Variants in ZNF91 observed in about 807,000 individuals in gnomAD.
The protein encoded by ZNF91 is zinc finger protein 91 (HPF7, HTF10).
A neutral mutation model predicts 12.6 loss-of-function variants in ZNF91; 7 were observed. The observed-to-expected ratio is 0.55, with a 90% CI of 0.31 to 1.04. The LOEUF is 1.04. Ranked by LOEUF, ZNF91 falls within the 50% of genes least tolerant of loss-of-function variation. The probability of loss-of-function intolerance (pLI) is 0.05; values close to 1 mark genes in which losing one functional copy is unlikely to be tolerated. For missense variants in ZNF91, 1,217 were observed against 1,385.4 expected, an observed-to-expected ratio of 0.88 and a Z score of 1.93; for synonymous variants, 453 against 462.6, an observed-to-expected ratio of 0.98 and a Z score of 0.27.
intron 3 of ZNF91, among the ~76,000 whole-genome samples, chr19:23,369,977 C>G (rs62122171): frequency 2.1e-5 from 3 of 144,222 alleles, no homozygotes; most frequent in African/African-American, 5.2e-5. Context: ...TCCCCCTCTC[C>G]GAGAAACACC....
At chr19:23,332,576 T>A (rs1172104853) in intron 1 of ZNF91, among the ~76,000 whole-genome samples, 2 of 152,172 alleles carry the variant, frequency 1.3e-5, no homozygotes, top group African/African-American at 2.4e-5. Context: ...ATCTCCTGTG[T>A]GCAGAGTTCT....
intron 1 of ZNF91, among the ~76,000 whole-genome samples, chr19:23,393,006 G>A (rs1277592130): frequency 1.3e-5 from 2 of 151,994 alleles, no homozygotes; most frequent in Non-Finnish European, 2.9e-5. Flanking sequence ...ATTATACTCT[G>A]CAAGTTCTTA....
intron 1 of ZNF91, among the ~76,000 whole-genome samples, chr19:23,384,096 A>G (rs1050306463): frequency 2.6e-5 from 4 of 152,172 alleles, no homozygotes; most frequent in Admixed American, 2.6e-4. Context: ...GCGACAAAGC[A>G]AAACTCCATC....
chr19:23,360,630 T>C lies in ZNF91; in HGVS notation c.2349A>G (p.Ser783=). The change falls in exon 4 of 4, where the codon TCA becomes TCG. Residue 783 remains serine (S), a synonymous_variant. Coordinates refer to ENST00000300619, the MANE Select transcript of ZNF91 (RefSeq NM_003430.4). ...GTATCCTCTTATGTCTAGTTAGGGT[T>C]GAAGACCATATAAATGCTTTGCCAC... ...KECGKAFIWS[S]TLTRHKRIHT... 2 of 1,613,968 alleles carry C rather than the reference T, an allele frequency of 1.2e-6. No homozygotes were observed. The highest frequency in any genetic ancestry group is 4.5e-5 in the East Asian group (2 of 44,822).
rs541941675 is a variant in ZNF91, at chr19:23,386,297, GA to G, written c.30+9027del. The stretch of plus-strand genomic sequence containing the variant: ...ATGACCAAAATATTTTTAACAGAAT[GA>G]AAAAAAAACTGTTGTAAAATTCATA... On this transcript the variant is annotated intron_variant, in intron 1 of 3. Coordinates refer to ENST00000300619, the MANE Select transcript of ZNF91 (RefSeq NM_003430.4). Among the ~76,000 whole-genome samples the G allele has an allele frequency of 1.3e-4, 20 of 149,904 alleles. No homozygotes were observed. In the South Asian group the frequency reaches 3.6e-3, roughly 27 times the overall value.
At chr19:23,356,524 G>C (rs1968490556), downstream of ZNF91, among the ~76,000 whole-genome samples, 1 of 152,144 alleles carries the variant, frequency 6.6e-6, no homozygotes, top group Admixed American at 6.5e-5. Flanking sequence ...TGATATGTGG[G>C]AGGTATGCTA....
At position 23,364,704 on chromosome 19, in the gene ZNF91, G is replaced by C. The variant is rs554946167; in HGVS notation, c.254-1979C>G. 2.6e-5 allele frequency among the ~76,000 whole-genome samples: 4 copies of C among 151,930 alleles called. No homozygotes were observed. In the East Asian group the frequency reaches 7.7e-4, roughly 29 times the overall value. On this transcript the variant is annotated intron_variant, in intron 3 of 3. Transcript: ENST00000300619. ...AAAATATAGATTCAGAAATAAATAG[G>C]ATGTTGAAATTATAAGAATTTTATG...
chr19:23,376,842 G>A (rs1969521360), intron 1 of ZNF91, among the ~76,000 whole-genome samples: 1 of 152,100 alleles, frequency 6.6e-6, no homozygotes, highest in South Asian at 2.1e-4. Flanking sequence ...CTGAAAAAAA[G>A]CCATTTTTTC....
intron 1 of ZNF91, among the ~76,000 whole-genome samples, chr19:23,379,312 T>G (rs1268501667): frequency 6.6e-6 from 1 of 152,076 alleles, no homozygotes; most frequent in South Asian, 2.1e-4. Flanking sequence ...CCCTCTAGAG[T>G]AGAGCTTGGT....
chr19:23,326,199 CATCT>C (rs1334299291), intron 1 of ZNF91: 3 of 151,340 alleles, frequency 2.0e-5, no homozygotes, highest in African/African-American at 4.8e-5. Context: ...CTTTTACCCC[CATCT>C]ATCAAGTCTG....
chr19:23,374,427 G>A (rs1969422567), intron 2 of ZNF91, among the ~76,000 whole-genome samples: 1 of 149,916 alleles, frequency 6.7e-6, no homozygotes, highest in Non-Finnish European at 1.5e-5. Flanking sequence ...GGGCATGGTG[G>A]TGGGCGCCTG....
Position 23,366,239 on chromosome 19 carries a change from G to A in ZNF91, c.254-3514C>T, listed in dbSNP as rs1011909059. Among the ~76,000 whole-genome samples, 20 of 151,190 alleles carry A rather than the reference G, an allele frequency of 1.3e-4. No homozygotes were observed. In the South Asian group the frequency reaches 1.9e-3, roughly 15 times the overall value. On this transcript the variant is annotated intron_variant, in intron 3 of 3. Coordinates refer to ENST00000300619, the MANE Select transcript of ZNF91 (RefSeq NM_003430.4). ...TCCCAGATGGGGCGGCTGGCCGGGC[G>A]GGGGGCTGACCCCCATACCTCCCTC...
chr19:23,316,173 T>G (rs1190375033), intron 1 of ZNF91, among the ~76,000 whole-genome samples: 1 of 151,810 alleles, frequency 6.6e-6, no homozygotes, highest in East Asian at 1.9e-4. Context: ...GTGATTTTTT[T>G]TTTTTTTTTG....
At chr19:23,365,842 T>C (rs540218119) in intron 3 of ZNF91, among the ~76,000 whole-genome samples, 4 of 152,276 alleles carry the variant, frequency 2.6e-5, no homozygotes, top group East Asian at 1.9e-4. Flanking sequence ...CATTTAACCC[T>C]GAGTGGACAC....
Position 23,320,634 on chromosome 19 carries a change from C to A in ZNF91, n.117-11537G>T, listed in dbSNP as rs556481972. On this transcript the variant is annotated intron_variant and non_coding_transcript_variant, in intron 1 of 1. Transcript: ENST00000596528. ...GTATGGGGGAAACTGTCCCATGATC[C>A]AATGACCTGCCTGCTTTGACACATG... Among the ~76,000 whole-genome samples the A allele has an allele frequency of 5.1e-4, 77 of 152,298 alleles. 1 individual carries two copies. In the South Asian group the frequency reaches 0.012, roughly 23 times the overall value.
chr19:23,392,443 C>G (rs571237683), intron 1 of ZNF91, among the ~76,000 whole-genome samples: 3 of 150,668 alleles, frequency 2.0e-5, no homozygotes, highest in Admixed American at 6.6e-5. Flanking sequence ...GGGAACACTT[C>G]TAGGAGGTAT....
chr19:23,350,713 T>C (rs1968341576), intron 3 of ZNF91, among the ~76,000 whole-genome samples: 1 of 152,046 alleles, frequency 6.6e-6, no homozygotes. Flanking sequence ...GTAGCGTGCA[T>C]CAGCAAGATA....
chr19:23,342,694 C>T (rs1466123360), intron 3 of ZNF91, among the ~76,000 whole-genome samples: 1 of 151,852 alleles, frequency 6.6e-6, no homozygotes, highest in African/African-American at 2.4e-5. Flanking sequence ...GCAAAACCTC[C>T]CAAAATCATT....
chr19:23,373,866 T>C, intron 2 of ZNF91, 29 bp from the exon 3 acceptor site: 2 of 1,534,510 alleles, frequency 1.3e-6, no homozygotes, highest in South Asian at 1.2e-5. Flanking sequence ...CTAACATGAG[T>C]CTTGCTCATA....
Sources: gnomAD v4.1 joint callset for allele counts (sites outside exome capture counted in the v4.1 genomes callset) on GRCh38, gnomAD v4.1.1 for gene constraint, MANE v1.5 for transcripts, NCBI Gene and HGNC (gene_info 2026-07-23, HGNC 2026-07-21) for gene names.